Variants in CAMK1D observed in about 807,000 individuals in gnomAD.
CAMK1D encodes the protein calcium/calmodulin dependent protein kinase ID.
In CAMK1D, 9 loss-of-function variants were observed where a neutral mutation model predicts 47.7. The ratio of observed to expected loss-of-function variants is 0.19; its 90% confidence interval spans 0.11 to 0.33. CAMK1D has a LOEUF of 0.33. Among genes scored for constraint, CAMK1D ranks in the 10% least tolerant of loss-of-function variants. The probability of loss-of-function intolerance (pLI) is 1.00; values close to 1 mark genes in which losing one functional copy is unlikely to be tolerated. For synonymous variants in CAMK1D, 184 were observed against 184.9 expected (o/e 0.99, Z 0.04); for missense variants, 291 against 488.7 (o/e 0.60, Z 3.81).
chr10:12,793,144 G>A (rs533175170), intron 6 of CAMK1D, among the ~76,000 whole-genome samples: 3 of 152,084 alleles, frequency 2.0e-5, no homozygotes, highest in African/African-American at 7.2e-5. Flanking sequence ...ACTATGGAAG[G>A]CTTAAGGAAA....
intron 3 of CAMK1D, among the ~76,000 whole-genome samples, chr10:12,722,701 G>A (rs1037430942): frequency 5.3e-5 from 8 of 152,064 alleles, no homozygotes; most frequent in Non-Finnish European, 1.2e-4. Context: ...CAGTTCAAAG[G>A]TCCTTACCAT....
intron 6 of CAMK1D, 37 bp from the exon 7 acceptor site, chr10:12,814,158 G>A: frequency 7.6e-7 from 1 of 1,309,450 alleles, no homozygotes; most frequent in Non-Finnish European, 1.1e-6. Flanking sequence ...CACTGGTTAT[G>A]CAGATGTTCC....
intron 2 of CAMK1D, among the ~76,000 whole-genome samples, chr10:12,623,104 G>A (rs1320371283): frequency 6.8e-5 from 3 of 43,980 alleles, no homozygotes; most frequent in Non-Finnish European, 8.7e-5. Context: ...TTCCTCCATC[G>A]CTCCCTCCCT....
chr10:12,712,826 C>G lies in CAMK1D; in HGVS notation c.299+46016C>G, dbSNP rs1284919301. On this transcript the variant is annotated intron_variant, in intron 3 of 10. Coordinates refer to ENST00000619168, the MANE Select transcript of CAMK1D (RefSeq NM_153498.4). ...GAGAATTAGACTCTATTATCTCCCC[C>G]GCCTACACACACACCCCTGTACTGA... 3.9e-5 allele frequency among the ~76,000 whole-genome samples: 6 copies of G among 152,100 alleles called. No homozygotes were observed. In the East Asian group the frequency reaches 1.2e-3, roughly 29 times the overall value.
intron 1 of CAMK1D, among the ~76,000 whole-genome samples, chr10:12,545,301 C>A (rs1836326779): frequency 9.7e-5 from 1 of 10,336 alleles, no homozygotes; most frequent in Non-Finnish European, 2.8e-4. Flanking sequence ...AACAAAAAAA[C>A]TAGCTGGACA....
In CAMK1D at chr10:12,722,771, G is replaced by A. The variant is rs890746589; in HGVS notation, c.300-38177G>A. On this transcript the variant is annotated intron_variant, in intron 3 of 10. Transcript: ENST00000619168. Reference sequence around the variant, plus strand: ...CTAACAGAGTTTCTAGCATTAAGGCGGAAACAGAAATGTAAGGCATGGCCC... The same window carrying A: ...CTAACAGAGTTTCTAGCATTAAGGCAGAAACAGAAATGTAAGGCATGGCCC... Among the ~76,000 whole-genome samples the A allele has an allele frequency of 5.9e-5, 9 of 152,222 alleles. No individual in the cohort carries two copies. The East Asian group carries it at 7.7e-4, about 13-fold the overall frequency.
intron 5 of CAMK1D, among the ~76,000 whole-genome samples, chr10:12,783,615 G>T (rs1006780081): frequency 6.6e-6 from 1 of 152,330 alleles, no homozygotes; most frequent in Non-Finnish European, 1.5e-5. Flanking sequence ...ACACCCACAA[G>T]ACAGCTGCTG....
intron 1 of CAMK1D, among the ~76,000 whole-genome samples, chr10:12,484,826 G>T (rs1035628246): frequency 2.0e-5 from 3 of 151,908 alleles, no homozygotes; most frequent in Non-Finnish European, 2.9e-5. Flanking sequence ...CAGTGACTCT[G>T]GGGGGGAGGG....
At chr10:12,444,312 G>A (rs1465351075) in intron 1 of CAMK1D, among the ~76,000 whole-genome samples, 1 of 152,142 alleles carries the variant, frequency 6.6e-6, no homozygotes, top group African/African-American at 2.4e-5. Flanking sequence ...TGGTTCAAAC[G>A]CCTCTGACAG....
At chr10:12,530,690 T>A (rs1835776682) in intron 1 of CAMK1D, among the ~76,000 whole-genome samples, 1 of 152,176 alleles carries the variant, frequency 6.6e-6, no homozygotes, top group South Asian at 2.1e-4. Context: ...TGCCAAGAAC[T>A]AGTTTTGCAG....
At chr10:12,376,420 A>C (rs191886961) in intron 1 of CAMK1D, among the ~76,000 whole-genome samples, 124 of 152,234 alleles carry the variant, frequency 8.1e-4, no homozygotes, top group African/African-American at 2.8e-3. Flanking sequence ...GCTGACCGAG[A>C]TGGAACAGAC....
At chr10:12,638,171 AG>A (rs1254204828) in intron 2 of CAMK1D, among the ~76,000 whole-genome samples, 1 of 152,110 alleles carries the variant, frequency 6.6e-6, no homozygotes, top group Non-Finnish European at 1.5e-5. Flanking sequence ...GAAAAGGGCT[AG>A]GGGGTGGGAG....
chr10:12,588,434 G>A (rs779788810), intron 2 of CAMK1D, among the ~76,000 whole-genome samples: 2 of 152,154 alleles, frequency 1.3e-5, no homozygotes, highest in Non-Finnish European at 2.9e-5. Context: ...AAGAGAAACC[G>A]TGCTCTCAAT....
intron 5 of CAMK1D, among the ~76,000 whole-genome samples, chr10:12,788,231 C>G (rs1418127430): frequency 6.6e-6 from 1 of 152,088 alleles, no homozygotes; most frequent in Non-Finnish European, 1.5e-5. Context: ...ACTCTTGTTG[C>G]CCAGGATGGA....
chr10:12,665,305 A>G (rs1404685136), intron 2 of CAMK1D, among the ~76,000 whole-genome samples: 1 of 152,240 alleles, frequency 6.6e-6, no homozygotes, highest in Non-Finnish European at 1.5e-5. Flanking sequence ...CTTTCATCTC[A>G]AAAAGAAGAT....
intron 1 of CAMK1D, among the ~76,000 whole-genome samples, chr10:12,425,658 C>T (rs1298728315): frequency 6.6e-6 from 1 of 152,204 alleles, no homozygotes; most frequent in Non-Finnish European, 1.5e-5. Context: ...ATCCGAATTG[C>T]TTATTTATCC....
chr10:12,369,891 G>A (rs555799527), intron 1 of CAMK1D, among the ~76,000 whole-genome samples: 53 of 151,624 alleles, frequency 3.5e-4, no homozygotes, highest in African/African-American at 1.1e-3. Flanking sequence ...GGGAGGCGAA[G>A]GTTGCAGTGA....
rs1323038243 is a variant in CAMK1D at position 12,506,698 on chromosome 10, G to A, written c.93-46527G>A. On this transcript the variant is annotated intron_variant, in intron 1 of 10. Coordinates refer to ENST00000619168, the MANE Select transcript of CAMK1D (RefSeq NM_153498.4). ...CACGCCCGGCTAGTTTTTTGTATTT[G>A]TAGTAGAGACGGGGTTTCACCGTGC... Among the ~76,000 whole-genome samples the A allele has an allele frequency of 7.2e-5, 11 of 151,846 alleles. No homozygotes were observed. The East Asian group carries it at 1.6e-3, about 22-fold the overall frequency.
intron 3 of CAMK1D, among the ~76,000 whole-genome samples, chr10:12,712,921 A>G (rs1833990426): frequency 6.6e-6 from 1 of 152,102 alleles, no homozygotes; most frequent in Non-Finnish European, 1.5e-5. Flanking sequence ...TCAGTTCCAT[A>G]CCTGGGAGAG....
Sources: allele counts gnomAD v4.1 joint callset (sites outside exome capture counted in the v4.1 genomes callset), GRCh38; gene constraint gnomAD v4.1.1; transcripts MANE v1.5; gene names NCBI Gene and HGNC (gene_info 2026-07-23, HGNC 2026-07-21).